The following UBE2E2 variants were observed in gnomAD, a reference collection of about 807,000 sequenced individuals.
The protein encoded by UBE2E2 is ubiquitin conjugating enzyme E2 E2.
A neutral mutation model predicts 24.7 loss-of-function variants in UBE2E2; 6 were observed. The observed-to-expected ratio is 0.24, with a 90% CI of 0.13 to 0.48. UBE2E2 has a LOEUF of 0.48. Ranked by LOEUF, UBE2E2 falls within the 20% of genes least tolerant of loss-of-function variation. The pLI, the probability that UBE2E2 is intolerant of heterozygous loss-of-function variation, is 0.99. For synonymous variants in UBE2E2, 104 were observed against 83.6 expected (o/e 1.24, Z -1.33); for missense variants, 169 against 245.0 (o/e 0.69, Z 2.07).
intron 3 of UBE2E2, among the ~76,000 whole-genome samples, chr3:23,454,766 G>A (rs1391706626): frequency 6.6e-6 from 1 of 152,148 alleles, no homozygotes; most frequent in East Asian, 1.9e-4. Flanking sequence ...ACTATTTTTT[G>A]ATAGCATACA....
intron 2 of UBE2E2, among the ~76,000 whole-genome samples, chr3:23,211,829 G>A (rs1009085278): frequency 6.6e-6 from 1 of 152,154 alleles, no homozygotes; most frequent in African/African-American, 2.4e-5. Context: ...TTGGCACATA[G>A]TAAGCTCTCA....
chr3:23,488,485 G>A (rs1277299838), intron 3 of UBE2E2, among the ~76,000 whole-genome samples: 1 of 152,164 alleles, frequency 6.6e-6, no homozygotes, highest in Non-Finnish European at 1.5e-5. Context: ...GTCTGTCTAA[G>A]ATAGTTAACT....
chr3:23,295,887 C>G (rs1052460981), intron 3 of UBE2E2, among the ~76,000 whole-genome samples: 2 of 152,244 alleles, frequency 1.3e-5, no homozygotes, highest in Admixed American at 1.3e-4. Context: ...GGGATTGGAG[C>G]AGATGTCCCC....
At chr3:23,520,626 G>A (rs1385441628) in intron 4 of UBE2E2, among the ~76,000 whole-genome samples, 1 of 152,176 alleles carries the variant, frequency 6.6e-6, no homozygotes, top group Non-Finnish European at 1.5e-5. Context: ...ATCATTAACA[G>A]AATCAGTCAT....
intron 3 of UBE2E2, among the ~76,000 whole-genome samples, chr3:23,473,286 A>AT (rs1173489184): frequency 1.3e-5 from 2 of 152,134 alleles, no homozygotes; most frequent in African/African-American, 4.8e-5. Flanking sequence ...TAGAAAGAAC[A>AT]TTAATATTTT....
At chr3:23,534,300 A>G in intron 5 of UBE2E2, 1 of 946,566 alleles carries the variant, frequency 1.1e-6, no homozygotes, top group Non-Finnish European at 1.3e-6. Context: ...TTCTCTCAGC[A>G]ATCAAAAAGA....
At chr3:23,421,377 A>G (rs1270430110) in intron 3 of UBE2E2, among the ~76,000 whole-genome samples, 1 of 152,220 alleles carries the variant, frequency 6.6e-6, no homozygotes, top group Non-Finnish European at 1.5e-5. Context: ...ATGATTGGAT[A>G]AAGAAAATGT....
intron 5 of UBE2E2, among the ~76,000 whole-genome samples, chr3:23,542,829 T>C (rs887715935): frequency 6.6e-6 from 1 of 152,230 alleles, no homozygotes; most frequent in African/African-American, 2.4e-5. Context: ...GGTTATAATC[T>C]TGGTGTAAAT....
intron 3 of UBE2E2, among the ~76,000 whole-genome samples, chr3:23,486,966 CCACATAGG>C (rs1183854573): frequency 2.6e-5 from 4 of 152,224 alleles, no homozygotes; most frequent in African/African-American, 9.6e-5. Flanking sequence ...CCACCACCTC[CCACATAGG>C]CACCTGTCTG....
At chr3:23,255,014 A>G (rs1301477365) in intron 3 of UBE2E2, among the ~76,000 whole-genome samples, 1 of 151,726 alleles carries the variant, frequency 6.6e-6, no homozygotes, top group Non-Finnish European at 1.5e-5. Context: ...CTGAAGGCAT[A>G]TAACCTGGCC....
intron 4 of UBE2E2, among the ~76,000 whole-genome samples, chr3:23,524,812 T>G (rs1694954393): frequency 6.6e-6 from 1 of 151,768 alleles, no homozygotes; most frequent in Non-Finnish European, 1.5e-5. Context: ...TTAAGTACCT[T>G]TTAAGAGAAA....
intron 3 of UBE2E2, among the ~76,000 whole-genome samples, chr3:23,248,979 A>G (rs181270618): frequency 5.9e-5 from 9 of 152,272 alleles, no homozygotes; most frequent in Non-Finnish European, 1.3e-4. Context: ...CTACCTTAGG[A>G]CCTTATTCTG....
intron 3 of UBE2E2, among the ~76,000 whole-genome samples, chr3:23,361,445 A>C (rs1696112031): frequency 6.6e-6 from 1 of 152,218 alleles, no homozygotes; most frequent in Admixed American, 6.5e-5. Context: ...CCGTTGACCA[A>C]TGAGTGGTTA....
At chr3:23,434,410 A>G (rs931448630) in intron 3 of UBE2E2, among the ~76,000 whole-genome samples, 1 of 152,158 alleles carries the variant, frequency 6.6e-6, no homozygotes, top group African/African-American at 2.4e-5. Flanking sequence ...AAATGACACA[A>G]TTGTGCATTA....
At chr3:23,533,619 A>ATT (rs759984741) in intron 5 of UBE2E2, among the ~76,000 whole-genome samples, 42,696 of 108,420 alleles carry the variant, frequency 0.39, 9,892 homozygotes, top group East Asian at 0.53. Flanking sequence ...GCAAATTAGT[A>ATT]TTTTTTTTTT....
chr3:23,503,199 T>C (rs1694324295), intron 4 of UBE2E2, among the ~76,000 whole-genome samples: 1 of 151,976 alleles, frequency 6.6e-6, no homozygotes, highest in South Asian at 2.1e-4. Context: ...TGTTTTTGTT[T>C]TTGTTTTTTG....
chr3:23,358,428 A>T (rs1696026554), intron 3 of UBE2E2, among the ~76,000 whole-genome samples: 1 of 152,248 alleles, frequency 6.6e-6, no homozygotes, highest in Admixed American at 6.5e-5. Flanking sequence ...GGAACATTTA[A>T]TATGTTTGTC....
At chr3:23,365,826 C>G (rs1280670140) in intron 3 of UBE2E2, among the ~76,000 whole-genome samples, 1 of 152,112 alleles carries the variant, frequency 6.6e-6, no homozygotes, top group Non-Finnish European at 1.5e-5. Flanking sequence ...GCAAAAAGAA[C>G]AAGGTTGGAG....
intron 3 of UBE2E2, among the ~76,000 whole-genome samples, chr3:23,387,617 TTCTC>T (rs1696832329): frequency 6.6e-6 from 1 of 152,204 alleles, no homozygotes; most frequent in Non-Finnish European, 1.5e-5. Context: ...TGGCTCATGT[TTCTC>T]TCTTTCTTTA....
Sources: allele counts gnomAD v4.1 joint callset (sites outside exome capture counted in the v4.1 genomes callset), GRCh38; gene constraint gnomAD v4.1.1; transcripts MANE v1.5; gene names NCBI Gene and HGNC (gene_info 2026-07-23, HGNC 2026-07-21).